APOC3: variants seen among roughly 807,000 people sequenced by gnomAD.
APOC3 encodes the protein apolipoprotein C-III.
A neutral mutation model predicts 7.3 loss-of-function variants in APOC3; 6 were observed. The ratio of observed to expected loss-of-function variants is 0.82; its 90% confidence interval spans 0.45 to 1.61. The LOEUF (loss-of-function observed/expected upper bound fraction) is 1.61. Ranked by LOEUF, APOC3 falls within the 40% of genes most tolerant of loss-of-function variation. APOC3 has a pLI of 0.01. For synonymous variants in APOC3, 45 were observed against 51.2 expected (o/e 0.88, Z 0.52); for missense variants, 123 against 124.9 (o/e 0.98, Z 0.07).
rs1210737487 is a variant in APOC3 at position 116,831,189 on chromosome 11, ATTTCTTTCTTTCTTTC to A, written c.179+346_179+361del. 140 of 148,436 alleles carry A rather than the reference ATTTCTTTCTTTCTTTC, an allele frequency of 9.4e-4. 4 individuals are homozygous for A. The highest frequency in any genetic ancestry group is 8.3e-3 in the South Asian group (28 of 3,370). The allele number at this position is 148,436 out of a possible 1,614,324, so 9.2% of individuals were successfully genotyped here. A position where few individuals can be genotyped will look rare whatever the true frequency, so the allele number is the denominator to read the frequency against. On this transcript the variant is annotated intron_variant, in intron 3 of 3. Coordinates refer to ENST00000227667, the MANE Select transcript of APOC3 (RefSeq NM_000040.3). The stretch of plus-strand genomic sequence containing the variant: ...TTCCTTTCCCTTTCTTTCTCTTTCT[ATTTCTTTCTTTCTTTC>A]TTTCTTTCTTTCTTTCTTTCTTTCT...
At chr11:116,830,696 C>G in intron 2 of APOC3, 59 bp downstream of exon 2, 1 of 1,613,170 alleles carries the variant, frequency 6.2e-7, no homozygotes, top group Non-Finnish European at 8.5e-7. Context: ...GGATCCCAGT[C>G]CCAATGGGTG....
At chr11:116,832,335 C>G (rs1349767882) in intron 3 of APOC3, among the ~76,000 whole-genome samples, 5 of 152,200 alleles carry the variant, frequency 3.3e-5, no homozygotes, top group Non-Finnish European at 7.3e-5. Flanking sequence ...TGCCCCAGAT[C>G]ACACAACTAA....
chr11:116,833,017 G>A lies in APOC3; in HGVS notation c.*133G>A. 7.6e-7 allele frequency: 1 copy of A among 1,311,564 alleles called. No homozygotes were observed. 81.2% of individuals were successfully genotyped at this position (1,311,564 alleles called of 1,614,324 possible). ...TGCTCTCCTACCCCACCTCATGCCTGGCCCCCCTCCAGGCATGCTGGCCTC... is the reference window on the plus strand; with the variant it reads ...TGCTCTCCTACCCCACCTCATGCCTAGCCCCCCTCCAGGCATGCTGGCCTC... On this transcript the variant is annotated 3_prime_UTR_variant, in exon 4 of 4. Coordinates refer to ENST00000227667, the MANE Select transcript of APOC3 (RefSeq NM_000040.3).
At chr11:116,831,002 C>A (rs527591419) in intron 3 of APOC3, 106 bp downstream of exon 3, 1 of 1,388,646 alleles carries the variant, frequency 7.2e-7, no homozygotes, top group Non-Finnish European at 9.9e-7. Flanking sequence ...GCTCCAGCCT[C>A]CCCTGGGCCT....
In APOC3 at chr11:116,831,242, TTTCTTTC is replaced by T. The variant is rs1320301032; in HGVS notation, c.179+349_179+355del. 31 of 116,254 alleles carry T rather than the reference TTTCTTTC, an allele frequency of 2.7e-4. 1 individual carries two copies. The East Asian group carries it at 5.0e-3, about 19-fold the overall frequency. The allele number at this position is 116,254 out of a possible 1,614,324, so 7.2% of individuals were successfully genotyped here. On this transcript the variant is annotated intron_variant, in intron 3 of 3. Transcript: ENST00000227667. Reference sequence around the variant, plus strand: ...CTTTCTTTCTTTCTTTCTTTCTTTCTTTCTTTCTTTCTTTCCTTTCTTTCTTTCCTTT... The same window carrying T: ...CTTTCTTTCTTTCTTTCTTTCTTTCTTTTCTTTCCTTTCTTTCTTTCCTTT...
intron 3 of APOC3, 107 bp downstream of exon 3, chr11:116,831,003 C>T: frequency 3.6e-6 from 5 of 1,386,980 alleles, no homozygotes; most frequent in Non-Finnish European, 4.9e-6. Flanking sequence ...CTCCAGCCTC[C>T]CCTGGGCCTG....
At chr11:116,830,381 TC>T (rs35243197) in intron 1 of APOC3, 188 bp from the exon 2 acceptor site, 3 of 642,364 alleles carry the variant, frequency 4.7e-6, no homozygotes, top group Non-Finnish European at 8.3e-6. Flanking sequence ...CCCACCCACC[TC>T]CCTTTGGGCC....
chr11:116,830,592 C>G lies in APOC3; in HGVS notation c.10C>G (p.Arg4Gly), dbSNP rs754247562. 6 of 1,614,030 alleles carry G rather than the reference C, an allele frequency of 3.7e-6. No individual in the cohort carries two copies. Among genetic ancestry groups the G allele is most frequent in the Non-Finnish European group, 5.1e-6 (6 of 1,179,996 alleles). The change falls in exon 2 of 4, where the codon CGG becomes GGG. Residue 4 changes from arginine to glycine, a missense_variant. Physicochemically the swap from Arg to Gly is moderately radical, Grantham distance 125. Transcript: ENST00000227667. ...CAGGAACAGAGGTGCCATGCAGCCC[C>G]GGGTACTCCTTGTTGTTGCCCTCCT... MQP[R>G]VLLVVALLAL...
chr11:116,832,698 G>T, intron 3 of APOC3, 66 bp from the exon 4 acceptor site: 1 of 1,609,744 alleles, frequency 6.2e-7, no homozygotes, highest in South Asian at 1.1e-5. Context: ...ACATGGGTGT[G>T]GGTCCCATGG....
At chr11:116,831,960 G>C (rs1410666979) in intron 3 of APOC3, among the ~76,000 whole-genome samples, 1 of 152,232 alleles carries the variant, frequency 6.6e-6, no homozygotes, top group African/African-American at 2.4e-5. Flanking sequence ...ACTTCGTGCT[G>C]TGCAGCCCGG....
intron 3 of APOC3, 53 bp downstream of exon 3, chr11:116,830,949 A>G: frequency 7.7e-7 from 1 of 1,305,250 alleles, no homozygotes; most frequent in Non-Finnish European, 1.0e-6. Context: ...CTCCATTCCC[A>G]CCCGCCCCTG....
At chr11:116,832,287 C>T (rs1941471322) in intron 3 of APOC3, among the ~76,000 whole-genome samples, 1 of 152,216 alleles carries the variant, frequency 6.6e-6, no homozygotes, top group African/African-American at 2.4e-5. Flanking sequence ...TCTCACTTTG[C>T]AGATGAGAAA....
chr11:116,830,657 G>A lies in APOC3; in HGVS notation c.55+20G>A. On this transcript the variant is annotated intron_variant, in intron 2 of 3. Coordinates refer to ENST00000227667, the MANE Select transcript of APOC3 (RefSeq NM_000040.3). ...CTGCCCGTAAGCACTTGGTGGGACT[G>A]GGCTGGGGGCAGGGTGGAGGCAACT... 6.2e-7 allele frequency: 1 copy of A among 1,613,776 alleles called. No individual in the cohort carries two copies. Among genetic ancestry groups the A allele is most frequent in the East Asian group, 2.2e-5 (1 of 44,864 alleles).
intron 3 of APOC3, among the ~76,000 whole-genome samples, chr11:116,831,924 C>T (rs186110240): frequency 3.2e-4 from 48 of 152,320 alleles, no homozygotes; most frequent in African/African-American, 8.7e-4. Context: ...GGAGCTCAGG[C>T]GGTATTGCTC....
In APOC3 at chr11:116,831,514, G is replaced by A. The variant is rs181006521; in HGVS notation, c.179+618G>A. The stretch of plus-strand genomic sequence containing the variant: ...CAAGTAGCTGGGATTACAGGCACGC[G>A]CCACCACACCCAGCTAATTTTTGTA... On this transcript the variant is annotated intron_variant, in intron 3 of 3. Transcript: ENST00000227667. Among the ~76,000 whole-genome samples the A allele has an allele frequency of 1.1e-4, 16 of 151,586 alleles. No homozygotes were observed. The East Asian group carries it at 1.8e-3, about 17-fold the overall frequency.
exon 4 of APOC3, chr11:116,833,070 T>TGAGTGGGCCGTCGC (rs1941480586): frequency 1.2e-6 from 1 of 831,602 alleles, no homozygotes; most frequent in South Asian, 1.5e-5. Context: ...GAAGCTGCTA[T>TGAGTGGGCCGTCGC]GAGTGGGCCG....
chr11:116,830,701 T>A, intron 2 of APOC3, 64 bp downstream of exon 2: 21 of 1,613,094 alleles, frequency 1.3e-5, no homozygotes, highest in Non-Finnish European at 1.7e-5. Context: ...CCAGTCCCAA[T>A]GGGTGGTCAA....
chr11:116,832,607 G>C (rs1488037092), intron 3 of APOC3, among the ~76,000 whole-genome samples, 157 bp from the exon 4 acceptor site: 1 of 152,218 alleles, frequency 6.6e-6, no homozygotes, highest in Non-Finnish European at 1.5e-5. Context: ...AGCTGTGGGG[G>C]ATTCCTGCCT....
In APOC3 at chr11:116,831,225, C is replaced by A. The variant is rs570944406; in HGVS notation, c.179+329C>A. 144 of 188,260 alleles carry A rather than the reference C, an allele frequency of 7.6e-4. 1 individual carries two copies. Among genetic ancestry groups the A allele is most frequent in the African/African-American group, 4.2e-3 (115 of 27,464 alleles). 11.7% of individuals were successfully genotyped at this position (188,260 alleles called of 1,614,324 possible). A position where few individuals can be genotyped will look rare whatever the true frequency, so the allele number is the denominator to read the frequency against. ...TCTTTCTTTCTTTCTTTCTTTCTTTCTTTCTTTCTTTCTTTCTTTCTTTCT... is the reference window on the plus strand; with the variant it reads ...TCTTTCTTTCTTTCTTTCTTTCTTTATTTCTTTCTTTCTTTCTTTCTTTCT... On this transcript the variant is annotated intron_variant, in intron 3 of 3. Coordinates refer to ENST00000227667, the MANE Select transcript of APOC3 (RefSeq NM_000040.3).
Sources: allele counts gnomAD v4.1 joint callset (sites outside exome capture counted in the v4.1 genomes callset), GRCh38; gene constraint gnomAD v4.1.1; transcripts MANE v1.5; gene names NCBI Gene and HGNC (gene_info 2026-07-23, HGNC 2026-07-21).